CTNND2: variants seen among roughly 807,000 people sequenced by gnomAD.
The protein encoded by CTNND2 is catenin delta 2.
Under a neutral mutation model 144.4 loss-of-function variants are expected in CTNND2, and 22 were observed. That is an observed-to-expected ratio of 0.15 (90% CI 0.11 to 0.22). The LOEUF is 0.22. Ranked by LOEUF, CTNND2 falls within the 10% of genes least tolerant of loss-of-function variation. The probability of loss-of-function intolerance (pLI) is 1.00; values close to 1 mark genes in which losing one functional copy is unlikely to be tolerated. For missense variants in CTNND2, 1,353 were observed against 1,618.8 expected (o/e 0.84, Z 2.82); for synonymous variants, 751 against 695.6 (o/e 1.08, Z -1.25).
chr5:11,813,307 A>G (rs1219855386), intron 1 of CTNND2, among the ~76,000 whole-genome samples: 1 of 152,226 alleles, frequency 6.6e-6, no homozygotes, highest in African/African-American at 2.4e-5. Context: ...CTCATGATGC[A>G]TTTCTCAGAA....
intron 3 of CTNND2, among the ~76,000 whole-genome samples, chr5:11,550,401 T>G (rs1338757067): frequency 6.6e-6 from 1 of 152,228 alleles, no homozygotes; most frequent in Non-Finnish European, 1.5e-5. Flanking sequence ...AAATGAGACA[T>G]GTCAAAATGA....
chr5:11,081,090 A>ACACACACACACACACT (rs1554039140), intron 16 of CTNND2, among the ~76,000 whole-genome samples: 8 of 151,422 alleles, frequency 5.3e-5, no homozygotes, highest in South Asian at 2.1e-4. Context: ...ACACACACAC[A>ACACACACACACACACT]CACACACACA....
rs1000060870 is a variant in CTNND2 at position 11,636,488 on chromosome 5, G to A, written c.175-71432C>T. ...TAGAAATAAAATATAAAATAAGGGT[G>A]GGGGAAGTCATCCAAACGGCTAATA... On this transcript the variant is annotated intron_variant, in intron 2 of 21. Transcript: ENST00000304623. Among the ~76,000 whole-genome samples the A allele has an allele frequency of 1.3e-5, 2 of 152,162 alleles. 1 individual carries two copies. Among genetic ancestry groups the A allele is most frequent in the Non-Finnish European group, 2.9e-5 (2 of 68,024 alleles).
intron 9 of CTNND2, among the ~76,000 whole-genome samples, chr5:11,306,607 T>C (rs972537636): frequency 3.9e-5 from 6 of 152,358 alleles, no homozygotes; most frequent in African/African-American, 1.4e-4. Context: ...GCTTTCTTGA[T>C]CTGCTGTTTT....
chr5:11,242,876 G>T (rs1310083387), intron 9 of CTNND2, among the ~76,000 whole-genome samples: 4 of 152,014 alleles, frequency 2.6e-5, no homozygotes, highest in African/African-American at 9.7e-5. Flanking sequence ...GGTTTCCATG[G>T]ATCAATATAT....
chr5:11,543,104 G>T (rs577206692), intron 3 of CTNND2, among the ~76,000 whole-genome samples: 1 of 152,296 alleles, frequency 6.6e-6, no homozygotes, highest in South Asian at 2.1e-4. Context: ...TCAATCAGCT[G>T]CAATCAAAAT....
At position 11,249,489 on chromosome 5, in the gene CTNND2, T is replaced by C. The variant is rs1743347389; in HGVS notation, c.1629-12666A>G. ...AGGGGAAATTTCATGGTCAGGGGGC[T>C]TGAATAATCTTATCTAGAAGGAGAA... On this transcript the variant is annotated intron_variant, in intron 9 of 21. Transcript: ENST00000304623. Among the ~76,000 whole-genome samples, 4 of 152,322 alleles carry C rather than the reference T, an allele frequency of 2.6e-5. No homozygotes were observed. The South Asian group carries it at 8.3e-4, about 32-fold the overall frequency.
intron 16 of CTNND2, among the ~76,000 whole-genome samples, chr5:11,036,165 T>C (rs1052928767): frequency 6.6e-6 from 1 of 152,214 alleles, no homozygotes; most frequent in Non-Finnish European, 1.5e-5. Flanking sequence ...CGAGTCACTT[T>C]TAGCAAAATT....
At chr5:11,207,384 TAAAAAAA>T (rs202182480) in intron 10 of CTNND2, among the ~76,000 whole-genome samples, 2 of 139,972 alleles carry the variant, frequency 1.4e-5, no homozygotes, top group Non-Finnish European at 3.1e-5. Context: ...TTCAAGTATT[TAAAAAAA>T]AAAAAAAAGA....
At chr5:11,329,671 G>A (rs1024726728) in intron 9 of CTNND2, among the ~76,000 whole-genome samples, 2 of 152,156 alleles carry the variant, frequency 1.3e-5, no homozygotes, top group Non-Finnish European at 2.9e-5. Context: ...GTCAGAGATT[G>A]GAGACCAGGA....
intron 12 of CTNND2, among the ~76,000 whole-genome samples, chr5:11,157,853 T>C (rs1758372189): frequency 6.6e-6 from 1 of 152,204 alleles, no homozygotes. Context: ...AGCTGCTGTA[T>C]GTGTGAATAG....
intron 1 of CTNND2, among the ~76,000 whole-genome samples, chr5:11,743,183 G>C (rs1417830890): frequency 6.6e-6 from 1 of 152,136 alleles, no homozygotes; most frequent in African/African-American, 2.4e-5. Flanking sequence ...ATATATAGAA[G>C]CTAGTTAATA....
At chr5:11,417,386 C>T (rs940240510) in intron 3 of CTNND2, among the ~76,000 whole-genome samples, 1 of 152,108 alleles carries the variant, frequency 6.6e-6, no homozygotes, top group African/African-American at 2.4e-5. Context: ...TAAGCCACAA[C>T]CTGGGAGAAA....
At chr5:11,136,401 T>C (rs1756147328) in intron 12 of CTNND2, among the ~76,000 whole-genome samples, 1 of 151,900 alleles carries the variant, frequency 6.6e-6, no homozygotes, top group Non-Finnish European at 1.5e-5. Context: ...GTTGCCACAG[T>C]GATCAAGAGA....
At chr5:10,997,087 A>C (rs1424092659) in intron 18 of CTNND2, among the ~76,000 whole-genome samples, 1 of 152,170 alleles carries the variant, frequency 6.6e-6, no homozygotes, top group Non-Finnish European at 1.5e-5. Flanking sequence ...GGTGTAAGTT[A>C]CAAATAAATG....
At chr5:11,700,570 C>T (rs1298311693) in intron 2 of CTNND2, among the ~76,000 whole-genome samples, 1 of 152,082 alleles carries the variant, frequency 6.6e-6, no homozygotes, top group Admixed American at 6.5e-5. Context: ...GGGTGATGCA[C>T]ATTTGTGAGC....
intron 9 of CTNND2, among the ~76,000 whole-genome samples, chr5:11,329,734 A>G (rs1752887923): frequency 6.6e-6 from 1 of 152,102 alleles, no homozygotes; most frequent in Admixed American, 6.6e-5. Flanking sequence ...ATGAGTGCAG[A>G]GGCAGAGACC....
intron 9 of CTNND2, among the ~76,000 whole-genome samples, chr5:11,282,110 C>T (rs1229508631): frequency 6.6e-6 from 1 of 151,986 alleles, no homozygotes; most frequent in Non-Finnish European, 1.5e-5. Context: ...GGTTCGCTAC[C>T]ATGGCTGGCA....
At chr5:11,849,965 T>A (rs1037397169) in intron 1 of CTNND2, among the ~76,000 whole-genome samples, 2 of 152,018 alleles carry the variant, frequency 1.3e-5, no homozygotes, top group Admixed American at 6.6e-5. Flanking sequence ...GATAGGAGGT[T>A]TAAAATACAC....
Sources: gnomAD v4.1 joint callset for allele counts (sites outside exome capture counted in the v4.1 genomes callset) on GRCh38, gnomAD v4.1.1 for gene constraint, MANE v1.5 for transcripts, NCBI Gene and HGNC (gene_info 2026-07-23, HGNC 2026-07-21) for gene names.